The following FAM135B variants were observed in gnomAD, a reference collection of about 807,000 sequenced individuals.
FAM135B encodes the protein family with sequence similarity 135 member B.
In FAM135B, 43 loss-of-function variants were observed where a neutral mutation model predicts 127.7. That is an observed-to-expected ratio of 0.34 (90% CI 0.26 to 0.43). The LOEUF (loss-of-function observed/expected upper bound fraction) is 0.43. FAM135B is among the 20% of genes least tolerant of loss of function. The probability of loss-of-function intolerance (pLI) is 1.00; values close to 1 mark genes in which losing one functional copy is unlikely to be tolerated. For synonymous variants in FAM135B, 670 were observed against 665.1 expected, an observed-to-expected ratio of 1.01 and a Z score of -0.11; for missense variants, 1,558 against 1,725.6, an observed-to-expected ratio of 0.90 and a Z score of 1.72.
intron 1 of FAM135B, among the ~76,000 whole-genome samples, chr8:138,479,357 C>T (rs1814674873): frequency 6.6e-6 from 1 of 152,180 alleles, no homozygotes; most frequent in African/African-American, 2.4e-5. Context: ...GGGGGTCTGG[C>T]AGTTCCAACC....
intron 1 of FAM135B, among the ~76,000 whole-genome samples, chr8:138,370,730 A>T (rs1831061316): frequency 6.6e-6 from 1 of 152,182 alleles, no homozygotes; most frequent in African/African-American, 2.4e-5. Context: ...GATTACAGGC[A>T]TGAACCACCA....
At chr8:138,345,255 G>A (rs577136808) in intron 2 of FAM135B, among the ~76,000 whole-genome samples, 7 of 152,288 alleles carry the variant, frequency 4.6e-5, no homozygotes, top group Admixed American at 3.9e-4. Flanking sequence ...GTCACAGTGA[G>A]GTGATTAGCA....
At chr8:138,200,433 A>T (rs1187612129) in intron 7 of FAM135B, among the ~76,000 whole-genome samples, 1 of 152,196 alleles carries the variant, frequency 6.6e-6, no homozygotes, top group Non-Finnish European at 1.5e-5. Context: ...GACCAGTTAG[A>T]TCTGTGGAGC....
At chr8:138,376,286 T>C (rs779725301) in intron 1 of FAM135B, among the ~76,000 whole-genome samples, 1 of 152,122 alleles carries the variant, frequency 6.6e-6, no homozygotes, top group Non-Finnish European at 1.5e-5. Flanking sequence ...AGACAATTAG[T>C]TGTCAGTTCT....
In FAM135B at chr8:138,448,801, A is replaced by G. The variant is rs946907452; in HGVS notation, c.-20+47870T>C. ...AAACCTAACACAGGGGGAAAAAAAA[A>G]AAAAGCTAGGAATCAGAAAAAAAAA... On this transcript the variant is annotated intron_variant, in intron 1 of 19. Coordinates refer to ENST00000395297, the MANE Select transcript of FAM135B (RefSeq NM_015912.4). Among the ~76,000 whole-genome samples, 55 of 152,170 alleles carry G rather than the reference A, an allele frequency of 3.6e-4. 2 individuals carry two copies. The highest frequency in any genetic ancestry group is 1.9e-3 in the Admixed American group (29 of 15,270).
chr8:138,139,830 GA>G (rs1213896137), intron 17 of FAM135B, among the ~76,000 whole-genome samples: 1 of 152,168 alleles, frequency 6.6e-6, no homozygotes, highest in East Asian at 1.9e-4. Context: ...CACTAACATT[GA>G]TGAGTGTAAG....
At chr8:138,456,705 G>A (rs1836799929) in intron 1 of FAM135B, among the ~76,000 whole-genome samples, 1 of 152,080 alleles carries the variant, frequency 6.6e-6, no homozygotes, top group African/African-American at 2.4e-5. Context: ...TATACCAAAT[G>A]GTGATTTCCC....
At position 138,309,794 on chromosome 8, in the gene FAM135B, T is replaced by C. The variant is rs1222783312; in HGVS notation, c.157+1047A>G. On this transcript the variant is annotated intron_variant, in intron 3 of 19. Transcript: ENST00000395297. ...TCGTACTTTATAATTAAACAGATTT[T>C]GCACAGCTCTGTCTGTTTACTTTAA... Among the ~76,000 whole-genome samples, 6 of 152,140 alleles carry C rather than the reference T, an allele frequency of 3.9e-5. No individual in the cohort carries two copies. The South Asian group carries it at 1.0e-3, about 26-fold the overall frequency.
At chr8:138,258,960 C>A (rs569199064) in intron 4 of FAM135B, among the ~76,000 whole-genome samples, 9 of 152,216 alleles carry the variant, frequency 5.9e-5, no homozygotes, top group Admixed American at 4.6e-4. Flanking sequence ...ATATAAGAAG[C>A]TAGCATTTAC....
intron 3 of FAM135B, among the ~76,000 whole-genome samples, chr8:138,302,360 C>T (rs139219891): frequency 1.3e-5 from 2 of 152,234 alleles, no homozygotes; most frequent in Non-Finnish European, 2.9e-5. Context: ...TTCAGGGGCC[C>T]TCCACTTGTC....
chr8:138,204,879 T>C (rs547382626), intron 7 of FAM135B, among the ~76,000 whole-genome samples: 90 of 152,364 alleles, frequency 5.9e-4, no homozygotes, highest in African/African-American at 2.1e-3. Flanking sequence ...GTTACAATTA[T>C]GGAAGAATGC....
intron 3 of FAM135B, among the ~76,000 whole-genome samples, chr8:138,291,480 G>A (rs1031239553): frequency 1.3e-5 from 2 of 151,968 alleles, no homozygotes; most frequent in African/African-American, 4.8e-5. Flanking sequence ...AACAAGATAA[G>A]GCCATCCAAG....
At chr8:138,292,995 CA>C (rs1825227287) in intron 3 of FAM135B, among the ~76,000 whole-genome samples, 1 of 152,090 alleles carries the variant, frequency 6.6e-6, no homozygotes, top group African/African-American at 2.4e-5. Context: ...TACCTGGCTT[CA>C]AATTATACTA....
chr8:138,414,119 CATATATAT>C (rs60918986), intron 1 of FAM135B, among the ~76,000 whole-genome samples: 7 of 124,688 alleles, frequency 5.6e-5, no homozygotes, highest in Admixed American at 9.5e-5. Context: ...CACACAAATA[CATATATAT>C]ATATATATAT....
intron 3 of FAM135B, among the ~76,000 whole-genome samples, chr8:138,274,081 C>T (rs1226060425): frequency 3.3e-5 from 5 of 152,226 alleles, no homozygotes; most frequent in Admixed American, 3.3e-4. Context: ...ATATGTTCCT[C>T]CTCCTGTCTT....
chr8:138,287,915 G>C (rs1824822739), intron 3 of FAM135B, among the ~76,000 whole-genome samples: 1 of 152,140 alleles, frequency 6.6e-6, no homozygotes, highest in Non-Finnish European at 1.5e-5. Flanking sequence ...AGTTAGCAAT[G>C]GTTTCTTTAG....
At chr8:138,262,690 G>C (rs1484267774) in intron 4 of FAM135B, among the ~76,000 whole-genome samples, 1 of 151,942 alleles carries the variant, frequency 6.6e-6, no homozygotes, top group African/African-American at 2.4e-5. Context: ...CGCGAGGTCA[G>C]GGGTTCAAGA....
At chr8:138,156,379 A>C (rs1818745535) in intron 12 of FAM135B, among the ~76,000 whole-genome samples, 1 of 152,208 alleles carries the variant, frequency 6.6e-6, no homozygotes, top group Admixed American at 6.5e-5. Context: ...CATCACACTT[A>C]AAAGAACTAG....
intron 1 of FAM135B, among the ~76,000 whole-genome samples, chr8:138,479,915 A>T (rs78192470): frequency 0.034 from 5,123 of 152,220 alleles, 221 homozygotes; most frequent in East Asian, 0.13. Context: ...TTCCCACAAA[A>T]CTACCTCCTG....
Sources: allele counts gnomAD v4.1 joint callset (sites outside exome capture counted in the v4.1 genomes callset), GRCh38; gene constraint gnomAD v4.1.1; transcripts MANE v1.5; gene names NCBI Gene and HGNC (gene_info 2026-07-23, HGNC 2026-07-21).